The following NCAM2 variants were observed in gnomAD, a reference collection of about 807,000 sequenced individuals.
The protein encoded by NCAM2 is neural cell adhesion molecule 2.
Under a neutral mutation model 98.1 loss-of-function variants are expected in NCAM2, and 30 were observed. That is an observed-to-expected ratio of 0.31 (90% CI 0.23 to 0.41). NCAM2 has a LOEUF of 0.41. Among genes scored for constraint, NCAM2 ranks in the 10% least tolerant of loss-of-function variants. The pLI, the probability that NCAM2 is intolerant of heterozygous loss-of-function variation, is 1.00. For synonymous variants in NCAM2, 368 were observed against 342.4 expected (o/e 1.07, Z -0.83); for missense variants, 867 against 1,005.8 (o/e 0.86, Z 1.87).
intron 9 of NCAM2, among the ~76,000 whole-genome samples, chr21:21,384,440 T>A (rs1241861222): frequency 1.3e-5 from 2 of 151,874 alleles, no homozygotes; most frequent in Admixed American, 6.6e-5. Flanking sequence ...TAGATTCTTA[T>A]AGTATTTCTT....
chr21:21,241,146 A>T (rs904514043), intron 1 of NCAM2, among the ~76,000 whole-genome samples: 2 of 152,164 alleles, frequency 1.3e-5, no homozygotes, highest in Non-Finnish European at 2.9e-5. Context: ...ATAGTATATG[A>T]TGCAAACACT....
intron 8 of NCAM2, among the ~76,000 whole-genome samples, chr21:21,349,466 G>T (rs536681567): frequency 2.8e-4 from 43 of 152,234 alleles, no homozygotes; most frequent in African/African-American, 1.0e-3. Flanking sequence ...GGGAACCTTT[G>T]TACACTCTGA....
At chr21:21,479,167 TATTAA>T (rs71195332) in intron 15 of NCAM2, among the ~76,000 whole-genome samples, 70,009 of 151,374 alleles carry the variant, frequency 0.46, 17,170 homozygotes, top group Non-Finnish European at 0.55. Flanking sequence ...TTTAATAATG[TATTAA>T]ATTTAATATA....
intron 1 of NCAM2, among the ~76,000 whole-genome samples, chr21:21,047,682 A>G (rs755135943): frequency 2.0e-5 from 3 of 152,210 alleles, no homozygotes; most frequent in African/African-American, 7.2e-5. Context: ...CTCATATTCA[A>G]TACATTATGC....
intron 8 of NCAM2, among the ~76,000 whole-genome samples, chr21:21,339,150 T>G (rs933956367): frequency 2.0e-5 from 3 of 152,108 alleles, no homozygotes; most frequent in African/African-American, 7.2e-5. Flanking sequence ...TTTTGGTAAA[T>G]AAAGCTTTAT....
intron 6 of NCAM2, among the ~76,000 whole-genome samples, chr21:21,332,606 T>C (rs1345509441): frequency 2.0e-5 from 3 of 152,178 alleles, no homozygotes. Flanking sequence ...TAAAGATTTG[T>C]TGGGAACCCT....
intron 1 of NCAM2, among the ~76,000 whole-genome samples, chr21:21,073,214 T>A (rs539739973): frequency 6.6e-6 from 1 of 152,330 alleles, no homozygotes; most frequent in African/African-American, 2.4e-5. Flanking sequence ...ATTTGTCCAT[T>A]TATCTATTGA....
At chr21:21,443,405 C>T (rs912653900) in intron 12 of NCAM2, among the ~76,000 whole-genome samples, 15 of 150,190 alleles carry the variant, frequency 1.0e-4, no homozygotes, top group Non-Finnish European at 5.9e-5. Flanking sequence ...GCACATGAAC[C>T]CCAGAACTTA....
chr21:21,307,538 T>TCC (rs2073923154), intron 5 of NCAM2, among the ~76,000 whole-genome samples: 1 of 152,146 alleles, frequency 6.6e-6, no homozygotes, highest in Non-Finnish European at 1.5e-5. Context: ...AAGATCACGA[T>TCC]CCAGGGGTCA....
intron 1 of NCAM2, among the ~76,000 whole-genome samples, chr21:21,070,387 T>A (rs2065537185): frequency 6.6e-6 from 1 of 151,722 alleles, no homozygotes; most frequent in South Asian, 2.1e-4. Context: ...AGTCTTTCTC[T>A]GTCAAAATGC....
At chr21:21,383,012 A>G (rs964000898) in intron 9 of NCAM2, among the ~76,000 whole-genome samples, 13 of 152,268 alleles carry the variant, frequency 8.5e-5, no homozygotes, top group African/African-American at 2.6e-4. Flanking sequence ...TCTAAAATCT[A>G]CTATCTGATA....
intron 5 of NCAM2, among the ~76,000 whole-genome samples, chr21:21,309,618 T>C (rs368809468): frequency 1.3e-5 from 2 of 152,148 alleles, no homozygotes; most frequent in South Asian, 2.1e-4. Context: ...ATCTGGAGGC[T>C]CCAGGGTTAA....
chr21:21,099,951 GA>G (rs2066206812), intron 1 of NCAM2, among the ~76,000 whole-genome samples: 1 of 151,802 alleles, frequency 6.6e-6, no homozygotes, highest in African/African-American at 2.4e-5. Flanking sequence ...ACAGATCAAG[GA>G]ATTAAATTAT....
chr21:21,023,713 A>G (rs189919976), intron 1 of NCAM2, among the ~76,000 whole-genome samples: 10 of 152,278 alleles, frequency 6.6e-5, no homozygotes, highest in African/African-American at 9.6e-5. Flanking sequence ...GTATTTGCCT[A>G]TAATCTAATT....
chr21:21,451,289 C>T lies in NCAM2; in HGVS notation c.1655-15317C>T, dbSNP rs144909640. ...TTTTCAAACATCTATAAATTATCAA[C>T]ATGTCCAGGTCAAATCAAATTAAAC... On this transcript the variant is annotated intron_variant, in intron 12 of 17. Transcript: ENST00000400546. Among the ~76,000 whole-genome samples the T allele has an allele frequency of 6.9e-3, 1,057 of 152,220 alleles. 6 individuals carry two copies. The highest frequency in any genetic ancestry group is 9.3e-3 in the Non-Finnish European group (631 of 68,016).
rs2067375870 is a variant in NCAM2 at position 21,149,268 on chromosome 21, A to T, written c.56-131310A>T. Among the ~76,000 whole-genome samples, 3 of 152,202 alleles carry T rather than the reference A, an allele frequency of 2.0e-5. No homozygotes were observed. The South Asian group carries it at 6.2e-4, about 31-fold the overall frequency. ...AAAAAAGTCTGCAGTTCATTTTTGGAGAATTACATTGAATCTATAGGTCAA... is the reference window on the plus strand; with the variant it reads ...AAAAAAGTCTGCAGTTCATTTTTGGTGAATTACATTGAATCTATAGGTCAA... On this transcript the variant is annotated intron_variant, in intron 1 of 17. Transcript: ENST00000400546.
At chr21:21,315,661 G>A (rs775853619) in intron 5 of NCAM2, among the ~76,000 whole-genome samples, 3 of 152,096 alleles carry the variant, frequency 2.0e-5, no homozygotes, top group African/African-American at 7.2e-5. Context: ...CTCTTTCTTG[G>A]ACATTTCTAG....
At chr21:21,243,527 G>T (rs1156361191) in intron 1 of NCAM2, among the ~76,000 whole-genome samples, 1 of 152,172 alleles carries the variant, frequency 6.6e-6, no homozygotes. Context: ...ATGTCGAGAA[G>T]GAAGCCTTCA....
intron 8 of NCAM2, among the ~76,000 whole-genome samples, chr21:21,362,276 G>T (rs1248248755): frequency 1.3e-5 from 2 of 151,950 alleles, no homozygotes; most frequent in East Asian, 1.9e-4. Context: ...TAAATGTTCT[G>T]TTCAAAAGCC....
Sources: allele counts gnomAD v4.1 joint callset (sites outside exome capture counted in the v4.1 genomes callset), GRCh38; gene constraint gnomAD v4.1.1; transcripts MANE v1.5; gene names NCBI Gene and HGNC (gene_info 2026-07-23, HGNC 2026-07-21).